DTNA: variants seen among roughly 807,000 people sequenced by gnomAD.
DTNA encodes dystrophin-related protein 3.
A neutral mutation model predicts 100.7 loss-of-function variants in DTNA; 43 were observed. That is an observed-to-expected ratio of 0.43 (90% CI 0.33 to 0.55). The LOEUF (loss-of-function observed/expected upper bound fraction) is 0.55, where lower values mean the gene tolerates loss of function less well. Among genes scored for constraint, DTNA ranks in the 20% least tolerant of loss-of-function variants. The pLI is 0.04. For missense variants in DTNA, 798 were observed against 953.9 expected (o/e 0.84, Z 2.15); for synonymous variants, 349 against 347.9 (o/e 1.00, Z -0.04).
chr18:34,825,182 G>A, intron 9 of DTNA: 1 of 1,575,706 alleles, frequency 6.3e-7, no homozygotes. Flanking sequence ...TTGGTATTTT[G>A]ACATTTGTTC....
intron 1 of DTNA, among the ~76,000 whole-genome samples, chr18:34,658,188 G>A (rs1250970037): frequency 1.3e-5 from 2 of 152,122 alleles, no homozygotes; most frequent in African/African-American, 2.4e-5. Flanking sequence ...AGGCTACTAG[G>A]AATCCCTCAA....
intron 1 of DTNA, among the ~76,000 whole-genome samples, chr18:34,522,130 T>G (rs2042205663): frequency 6.6e-6 from 1 of 152,246 alleles, no homozygotes; most frequent in African/African-American, 2.4e-5. Flanking sequence ...TGTCAGTCAC[T>G]TTATTCATGA....
At chr18:34,512,237 A>AT (rs951974427) in intron 1 of DTNA, among the ~76,000 whole-genome samples, 5 of 150,764 alleles carry the variant, frequency 3.3e-5, no homozygotes, top group East Asian at 1.9e-4. Context: ...TCCCTCAACC[A>AT]TTTTTTTTTC....
chr18:34,846,343 T>G (rs2096377648), intron 13 of DTNA, among the ~76,000 whole-genome samples: 2 of 152,168 alleles, frequency 1.3e-5, no homozygotes, highest in African/African-American at 4.8e-5. Context: ...AACATGTTAT[T>G]TAAAAGGCAA....
intron 3 of DTNA, among the ~76,000 whole-genome samples, chr18:34,791,082 C>T (rs985404043): frequency 6.6e-6 from 1 of 152,086 alleles, no homozygotes; most frequent in African/African-American, 2.4e-5. Context: ...ATGGGCATGC[C>T]TATGTGGGAA....
chr18:34,781,279 A>G (rs937829940), intron 3 of DTNA, among the ~76,000 whole-genome samples: 20 of 152,216 alleles, frequency 1.3e-4, no homozygotes, highest in Admixed American at 1.2e-3. Flanking sequence ...AGTAGTATAC[A>G]TTAATATGTA....
chr18:34,700,033 A>G (rs567899460), intron 1 of DTNA, among the ~76,000 whole-genome samples: 69 of 152,200 alleles, frequency 4.5e-4, no homozygotes, highest in Non-Finnish European at 9.0e-4. Context: ...CTATGCAGTG[A>G]TGAAGAAAAT....
intron 1 of DTNA, among the ~76,000 whole-genome samples, chr18:34,516,945 G>A (rs1007276199): frequency 6.6e-6 from 1 of 152,110 alleles, no homozygotes; most frequent in Non-Finnish European, 1.5e-5. Context: ...AATTATAAGA[G>A]TATTGATTGG....
intron 14 of DTNA, 80 bp from the exon 15 acceptor site, chr18:34,851,751 C>A (rs565380914): frequency 6.5e-6 from 9 of 1,384,332 alleles, no homozygotes; most frequent in Non-Finnish European, 9.2e-6. Flanking sequence ...TCCTTGTCTG[C>A]ATATCTCATG....
intron 17 of DTNA, chr18:34,867,237 A>C: frequency 2.4e-6 from 3 of 1,231,414 alleles, no homozygotes; most frequent in Non-Finnish European, 2.0e-6. Context: ...AATGTTTGGA[A>C]AATGCTGGAC....
At chr18:34,806,392 A>G in intron 5 of DTNA, 88 bp downstream of exon 5, 1 of 1,068,476 alleles carries the variant, frequency 9.4e-7, no homozygotes, top group Non-Finnish European at 1.4e-6. Context: ...TCCCCTCCCC[A>G]TTTGTATCTT....
intron 1 of DTNA, among the ~76,000 whole-genome samples, chr18:34,718,750 T>C (rs562044120): frequency 6.6e-6 from 1 of 152,214 alleles, no homozygotes; most frequent in Admixed American, 6.5e-5. Context: ...AGTCTGACTG[T>C]AAGGAGGACT....
chr18:34,526,697 G>A (rs2042656355), intron 1 of DTNA, among the ~76,000 whole-genome samples: 1 of 152,070 alleles, frequency 6.6e-6, no homozygotes, highest in South Asian at 2.1e-4. Context: ...TGCAAATAAT[G>A]TCTGACTATC....
At chr18:34,716,948 A>G (rs2084204299) in intron 1 of DTNA, among the ~76,000 whole-genome samples, 1 of 152,230 alleles carries the variant, frequency 6.6e-6, no homozygotes, top group Non-Finnish European at 1.5e-5. Flanking sequence ...CTGTGAGAGA[A>G]AATAACAAAA....
chr18:34,890,026 G>A lies in DTNA; in HGVS notation c.*2292G>A. The stretch of plus-strand genomic sequence containing the variant: ...GTCAGCTCAAAATCATAGCCAGGTA[G>A]TTCTTGAACTCAGAACTTAAATCCT... On this transcript the variant is annotated 3_prime_UTR_variant, in exon 23 of 23. Transcript: ENST00000444659. 1 of 1,268,758 alleles carries A rather than the reference G, an allele frequency of 7.9e-7. No individual in the cohort carries two copies. The highest frequency in any genetic ancestry group is 3.4e-5 in the East Asian group (1 of 29,470). The allele number at this position is 1,268,758 out of a possible 1,614,324, so 78.6% of individuals were successfully genotyped here.
intron 1 of DTNA, among the ~76,000 whole-genome samples, chr18:34,611,094 T>A (rs1280672042): frequency 6.6e-6 from 1 of 152,174 alleles, no homozygotes; most frequent in African/African-American, 2.4e-5. Context: ...TCACCTGTAT[T>A]GTGCAAATTT....
At chr18:34,554,701 A>T (rs1353125284) in intron 1 of DTNA, among the ~76,000 whole-genome samples, 3 of 143,312 alleles carry the variant, frequency 2.1e-5, no homozygotes, top group South Asian at 2.2e-4. Context: ...ATATTGAACC[A>T]GCCTTGCATC....
chr18:34,521,320 G>A (rs2042129491), intron 1 of DTNA, among the ~76,000 whole-genome samples: 1 of 152,064 alleles, frequency 6.6e-6, no homozygotes. Context: ...ACTCCACCAC[G>A]AGCCATTCAA....
intron 3 of DTNA, among the ~76,000 whole-genome samples, chr18:34,776,535 G>A (rs2094060757): frequency 6.6e-6 from 1 of 152,116 alleles, no homozygotes; most frequent in Non-Finnish European, 1.5e-5. Context: ...TAGAGATGGG[G>A]TTTCACCACG....
Sources: gnomAD v4.1 joint callset for allele counts (sites outside exome capture counted in the v4.1 genomes callset) on GRCh38, gnomAD v4.1.1 for gene constraint, MANE v1.5 for transcripts, NCBI Gene and HGNC (gene_info 2026-07-23, HGNC 2026-07-21) for gene names.